The following TNNI3K variants were observed in gnomAD, a reference collection of about 807,000 sequenced individuals.
The protein encoded by TNNI3K is serine/threonine-protein kinase TNNI3K.
TNNI3K carries 140 observed loss-of-function variants against 114.5 expected under a neutral mutation model. The observed-to-expected ratio is 1.22, with a 90% CI of 1.07 to 1.41. The LOEUF (loss-of-function observed/expected upper bound fraction) is 1.41, where lower values mean the gene tolerates loss of function less well. TNNI3K is among the 40% of genes most tolerant of loss of function. The probability of loss-of-function intolerance (pLI) is 0.00; values close to 1 mark genes in which losing one functional copy is unlikely to be tolerated. For missense variants in TNNI3K, 1,125 were observed against 1,007.6 expected (o/e 1.12, Z -1.58); for synonymous variants, 347 against 347.5 (o/e 1.00, Z 0.02).
Position 74,336,150 on chromosome 1 carries a change from G to GTA in TNNI3K, c.682+2_682+3dup. The GTA allele has an allele frequency of 6.3e-7, 1 of 1,596,146 alleles. No individual in the cohort carries two copies. The highest frequency in any genetic ancestry group is 8.5e-7 in the Non-Finnish European group (1 of 1,175,108). On this transcript the variant is annotated splice_donor_variant, in intron 7 of 24. Transcript: ENST00000326637. LOFTEE classifies it high-confidence loss of function. Reference sequence around the variant, plus strand: ...ATGGAAGAAGGCAGCAAAGCAGATGGTAAGATTATATATTTAAAAGACCTT... The same window carrying GTA: ...ATGGAAGAAGGCAGCAAAGCAGATGGTATAAGATTATATATTTAAAAGACCTT...
intron 20 of TNNI3K, among the ~76,000 whole-genome samples, chr1:74,445,494 G>A (rs1666603123): frequency 6.8e-6 from 1 of 146,496 alleles, no homozygotes; most frequent in African/African-American, 2.5e-5. Context: ...TCTTGCGATA[G>A]TTTACTGAGA....
chr1:74,367,289 A>T lies in TNNI3K; in HGVS notation c.1211A>T (p.Tyr404Phe). The T allele has an allele frequency of 6.2e-7, 1 of 1,612,262 alleles. No individual in the cohort carries two copies. Among genetic ancestry groups the T allele is most frequent in the South Asian group, 1.1e-5 (1 of 91,034 alleles). Residue 404 changes from tyrosine to phenylalanine, a missense_variant, in exon 12 of 25, where the codon TAT becomes TTT. Transcript: ENST00000326637. ...HDAIVTLLKHYKRPQDELPCN... is the reference protein window; with the variant it reads ...HDAIVTLLKHFKRPQDELPCN... ...GCCATTGTCACACTCCTGAAGCATT[A>T]TAAGAGACCACAAGATGAATTGCCC... is the stretch of plus-strand genomic sequence containing the variant.
At chr1:74,375,675 A>C (rs1037734665) in intron 17 of TNNI3K, 2 of 451,778 alleles carry the variant, frequency 4.4e-6, no homozygotes, top group African/African-American at 4.0e-5. Flanking sequence ...TTGACACCCT[A>C]TGATATCATC....
chr1:74,407,734 T>G (rs1303378480), intron 17 of TNNI3K, among the ~76,000 whole-genome samples: 1 of 152,174 alleles, frequency 6.6e-6, no homozygotes, highest in Non-Finnish European at 1.5e-5. Context: ...CAACTTTCTG[T>G]GCTATTTGTA....
intron 4 of TNNI3K, among the ~76,000 whole-genome samples, chr1:74,265,470 G>T (rs1297418933): frequency 6.6e-6 from 1 of 151,946 alleles, no homozygotes; most frequent in Non-Finnish European, 1.5e-5. Flanking sequence ...CTCTAATGCT[G>T]CAGTGGGTCC....
At chr1:74,448,505 T>C (rs999145842) in intron 20 of TNNI3K, among the ~76,000 whole-genome samples, 2 of 146,058 alleles carry the variant, frequency 1.4e-5, no homozygotes, top group Non-Finnish European at 3.0e-5. Context: ...CTATGTTGAA[T>C]AGGAGTGGTG....
chr1:74,381,357 G>A lies in TNNI3K; in HGVS notation c.1772+10965G>A, dbSNP rs538145619. ...GTTATATTTAAATGCCTACCTTATT[G>A]GATTTAAATGAGAAAATACATTAGC... is the stretch of plus-strand genomic sequence containing the variant. On this transcript the variant is annotated intron_variant, in intron 17 of 24. Coordinates refer to ENST00000326637, the MANE Select transcript of TNNI3K (RefSeq NM_015978.3). Among the ~76,000 whole-genome samples the A allele has an allele frequency of 1.3e-3, 197 of 152,084 alleles. 5 individuals carry two copies. The highest frequency in any genetic ancestry group is 1.4e-3 in the Non-Finnish European group (92 of 67,988).
chr1:74,253,288 G>A (rs919341908), intron 4 of TNNI3K, among the ~76,000 whole-genome samples: 1 of 152,172 alleles, frequency 6.6e-6, no homozygotes, highest in Non-Finnish European at 1.5e-5. Context: ...AGTGGATCCC[G>A]CACAGGGGCC....
At chr1:74,480,662 C>T (rs1387754251) in intron 21 of TNNI3K, 1 of 717,292 alleles carries the variant, frequency 1.4e-6, no homozygotes, top group East Asian at 2.7e-5. Flanking sequence ...CCGGGTCAGG[C>T]CGCTTGTGTT....
rs541383805 is a variant in TNNI3K, at chr1:74,499,579, T to C, written c.2351+7313T>C. On this transcript the variant is annotated intron_variant, in intron 23 of 24. Coordinates refer to ENST00000326637, the MANE Select transcript of TNNI3K (RefSeq NM_015978.3). ...ATATTATACTGTATATTGGATTCAG[T>C]AATATCTCCAGTTTCAGGCATCCAC... Among the ~76,000 whole-genome samples the C allele has an allele frequency of 1.1e-4, 16 of 152,304 alleles. No homozygotes were observed. The South Asian group carries it at 3.3e-3, about 32-fold the overall frequency.
At chr1:74,508,581 A>G (rs1038126900) in intron 23 of TNNI3K, among the ~76,000 whole-genome samples, 1 of 152,226 alleles carries the variant, frequency 6.6e-6, no homozygotes, top group Non-Finnish European at 1.5e-5. Flanking sequence ...GCCAGGAGGC[A>G]GACTGCATTC....
At chr1:74,332,667 C>T (rs974547683) in intron 6 of TNNI3K, among the ~76,000 whole-genome samples, 12 of 152,094 alleles carry the variant, frequency 7.9e-5, no homozygotes, top group South Asian at 2.1e-4. Context: ...CAGAGTCATG[C>T]GCTATTAATA....
rs1333624684 is a variant in TNNI3K, at chr1:74,489,233, T to A, written c.2166T>A (p.Cys722Ter). Residue 722 changes from cysteine to a stop codon, truncating the protein, a stop_gained, in exon 22 of 25, where the codon TGT (cysteine) becomes TGA (stop). Transcript: ENST00000326637. LOFTEE classifies it high-confidence loss of function. The part of the protein sequence containing the change: ...FSEVVMKLEE[C>*]LCNIELMSPA... Reference sequence around the variant, plus strand: ...AAGTTGTCATGAAGTTAGAAGAGTGTCTCTGCAACATTGAGGTAAAAGCTT... The same window carrying A: ...AAGTTGTCATGAAGTTAGAAGAGTGACTCTGCAACATTGAGGTAAAAGCTT... 1.9e-5 allele frequency: 31 copies of A among 1,611,946 alleles called. No individual in the cohort carries two copies. Among genetic ancestry groups the A allele is most frequent in the Non-Finnish European group, 2.5e-5 (30 of 1,179,160 alleles).
intron 5 of TNNI3K, among the ~76,000 whole-genome samples, chr1:74,289,486 G>GAATTACAGTCCTGTGC (rs369263112): frequency 1.1e-3 from 3 of 2,682 alleles, no homozygotes; most frequent in South Asian, 0.025. Context: ...CATAGGTAGT[G>GAATTACAGTCCTGTGC]TCATTAGTCT....
rs530187523 is a variant in TNNI3K at position 74,456,035 on chromosome 1, CTT to C, written c.2012-7405_2012-7404del. 2.2e-3 allele frequency among the ~76,000 whole-genome samples: 334 copies of C among 152,260 alleles called. 1 individual carries two copies. Among genetic ancestry groups the C allele is most frequent in the South Asian group, 3.9e-3 (19 of 4,822 alleles). On this transcript the variant is annotated intron_variant, in intron 20 of 24. Coordinates refer to ENST00000326637, the MANE Select transcript of TNNI3K (RefSeq NM_015978.3). ...TTTTAAAAAGGAATATAGAACAACT[CTT>C]ATTATTATTTTAGAATGCTTCTCTT...
chr1:74,542,250 A>G (rs1195617622), intron 24 of TNNI3K, among the ~76,000 whole-genome samples: 1 of 152,180 alleles, frequency 6.6e-6, no homozygotes, highest in East Asian at 1.9e-4. Context: ...TTTCCATTGG[A>G]GTCCTGTGGG....
chr1:74,432,432 C>T (rs1246542055), intron 17 of TNNI3K, among the ~76,000 whole-genome samples: 1 of 152,078 alleles, frequency 6.6e-6, no homozygotes, highest in Non-Finnish European at 1.5e-5. Flanking sequence ...TGAGAATTCC[C>T]GTCACCCTTC....
At chr1:74,464,770 G>A (rs1419981118) in intron 21 of TNNI3K, 1 of 1,546,168 alleles carries the variant, frequency 6.5e-7, no homozygotes. Context: ...TCAACCTGAT[G>A]TGTTACATGT....
intron 17 of TNNI3K, among the ~76,000 whole-genome samples, chr1:74,435,151 A>G (rs1666065746): frequency 6.6e-6 from 1 of 152,092 alleles, no homozygotes; most frequent in African/African-American, 2.4e-5. Context: ...GAAGCATTCA[A>G]AGACAATCTT....
Sources: allele counts gnomAD v4.1 joint callset (sites outside exome capture counted in the v4.1 genomes callset), GRCh38; gene constraint gnomAD v4.1.1; transcripts MANE v1.5; gene names NCBI Gene and HGNC (gene_info 2026-07-23, HGNC 2026-07-21).